Variants in CAMK1D observed in about 807,000 individuals in gnomAD.
The protein encoded by CAMK1D is calcium/calmodulin dependent protein kinase ID.
CAMK1D carries 9 observed loss-of-function variants against 47.7 expected under a neutral mutation model. The ratio of observed to expected loss-of-function variants is 0.19; its 90% CI spans 0.11 to 0.33. CAMK1D has a LOEUF of 0.33. CAMK1D is among the 10% of genes least tolerant of loss of function. The probability of loss-of-function intolerance (pLI) is 1.00; values close to 1 mark genes in which losing one functional copy is unlikely to be tolerated. For missense variants in CAMK1D, 291 were observed against 488.7 expected, an observed-to-expected ratio of 0.60 and a Z score of 3.81; for synonymous variants, 184 against 184.9, an observed-to-expected ratio of 0.99 and a Z score of 0.04.
intron 1 of CAMK1D, among the ~76,000 whole-genome samples, chr10:12,498,103 C>G (rs959064522): frequency 6.6e-6 from 1 of 152,200 alleles, no homozygotes; most frequent in African/African-American, 2.4e-5. Flanking sequence ...TACCTCCCAT[C>G]GGGTCCCTCC....
intron 2 of CAMK1D, among the ~76,000 whole-genome samples, chr10:12,596,226 C>A (rs1838143640): frequency 1.3e-5 from 2 of 151,996 alleles, no homozygotes; most frequent in South Asian, 2.1e-4. Context: ...TTTCTTTGAG[C>A]ATTAAAGGAT....
At chr10:12,384,293 T>C (rs952250920) in intron 1 of CAMK1D, among the ~76,000 whole-genome samples, 3 of 152,220 alleles carry the variant, frequency 2.0e-5, no homozygotes, top group Admixed American at 6.5e-5. Context: ...AATTAATCTA[T>C]AGATTAAACA....
At chr10:12,586,112 A>G (rs1837809758) in intron 2 of CAMK1D, among the ~76,000 whole-genome samples, 1 of 152,216 alleles carries the variant, frequency 6.6e-6, no homozygotes, top group African/African-American at 2.4e-5. Context: ...CATTTATGGA[A>G]GCCCCACCAT....
Position 12,388,270 on chromosome 10 carries a change from G to A in CAMK1D, c.92+38360G>A, listed in dbSNP as rs190297939. Among the ~76,000 whole-genome samples, 380 of 152,198 alleles carry A rather than the reference G, an allele frequency of 2.5e-3. 2 individuals carry two copies. Among genetic ancestry groups the A allele is most frequent in the African/African-American group, 8.4e-3 (347 of 41,536 alleles). On this transcript the variant is annotated intron_variant, in intron 1 of 10. Transcript: ENST00000619168. ...TCGAACTCCTGACCTCAGGTGATCC[G>A]CTGGCCTTGACCTCCCAAAGTGCTG...
At chr10:12,790,651 T>A (rs28503324) in intron 5 of CAMK1D, among the ~76,000 whole-genome samples, 30 of 151,598 alleles carry the variant, frequency 2.0e-4, no homozygotes, top group African/African-American at 4.1e-4. Flanking sequence ...TCATTTTTTT[T>A]AATTTACATT....
chr10:12,375,845 G>T (rs1372265067), intron 1 of CAMK1D, among the ~76,000 whole-genome samples: 1 of 151,934 alleles, frequency 6.6e-6, no homozygotes, highest in African/African-American at 2.4e-5. Flanking sequence ...TAGGACTTTT[G>T]GTCCGTATGC....
intron 6 of CAMK1D, among the ~76,000 whole-genome samples, chr10:12,799,264 A>G (rs1318032487): frequency 6.7e-6 from 1 of 149,082 alleles, no homozygotes; most frequent in Non-Finnish European, 1.5e-5. Context: ...TCAGAAGTGC[A>G]TTGTTGGGAG....
intron 1 of CAMK1D, among the ~76,000 whole-genome samples, chr10:12,496,399 C>G (rs1427346304): frequency 6.6e-6 from 1 of 152,100 alleles, no homozygotes; most frequent in African/African-American, 2.4e-5. Flanking sequence ...CTGTTTCTGT[C>G]TTGTTGCTCT....
chr10:12,741,895 T>A (rs955842291), intron 3 of CAMK1D, among the ~76,000 whole-genome samples: 1 of 152,136 alleles, frequency 6.6e-6, no homozygotes, highest in Non-Finnish European at 1.5e-5. Flanking sequence ...CCTCTCATTG[T>A]CTGGATGTGA....
intron 2 of CAMK1D, among the ~76,000 whole-genome samples, chr10:12,563,528 C>T (rs531330192): frequency 2.0e-5 from 3 of 152,176 alleles, no homozygotes; most frequent in Non-Finnish European, 4.4e-5. Context: ...ACCAGAAATA[C>T]AGAAATACTG....
At chr10:12,747,459 C>A (rs1835739003) in intron 3 of CAMK1D, among the ~76,000 whole-genome samples, 1 of 152,080 alleles carries the variant, frequency 6.6e-6, no homozygotes, top group Non-Finnish European at 1.5e-5. Context: ...GTGTGCACCA[C>A]CACGCCTGGC....
chr10:12,538,477 A>G (rs938314334), intron 1 of CAMK1D, among the ~76,000 whole-genome samples: 30 of 152,234 alleles, frequency 2.0e-4, no homozygotes, highest in Non-Finnish European at 3.8e-4. Context: ...ATGTTTAAGC[A>G]GACTTTTCAG....
chr10:12,600,009 G>T (rs1838254790), intron 2 of CAMK1D, among the ~76,000 whole-genome samples: 1 of 152,206 alleles, frequency 6.6e-6, no homozygotes, highest in Non-Finnish European at 1.5e-5. Flanking sequence ...GGAGGCTGGG[G>T]CAGGAGGATC....
chr10:12,365,126 T>C (rs115642686), intron 1 of CAMK1D, among the ~76,000 whole-genome samples: 1,969 of 151,818 alleles, frequency 0.013, 45 homozygotes, highest in African/African-American at 0.045. Context: ...CAGGCTAATT[T>C]TGTATGTTCA....
chr10:12,818,611 C>T (rs1310738489), intron 8 of CAMK1D, among the ~76,000 whole-genome samples: 1 of 151,386 alleles, frequency 6.6e-6, no homozygotes, highest in African/African-American at 2.4e-5. Flanking sequence ...GCGGAGCTTG[C>T]AGTGAGCCAA....
rs1256986749 is a variant in CAMK1D at position 12,784,882 on chromosome 10, CA to C, written c.566-6275del. On this transcript the variant is annotated intron_variant, in intron 5 of 10. Coordinates refer to ENST00000619168, the MANE Select transcript of CAMK1D (RefSeq NM_153498.4). The stretch of plus-strand genomic sequence containing the variant: ...ATCACCAAGTGCTGACCAATCAGGA[CA>C]TACGGAGATGAGAGCTCTGCCCTGC... 5.3e-5 allele frequency among the ~76,000 whole-genome samples: 8 copies of C among 152,286 alleles called. No individual in the cohort carries two copies. In the East Asian group the frequency reaches 9.7e-4, roughly 18 times the overall value.
chr10:12,464,462 C>A (rs1219448724), intron 1 of CAMK1D, among the ~76,000 whole-genome samples: 1 of 152,170 alleles, frequency 6.6e-6, no homozygotes, highest in Non-Finnish European at 1.5e-5. Context: ...TACCCTCCCC[C>A]ACCACGTGTA....
intron 1 of CAMK1D, among the ~76,000 whole-genome samples, chr10:12,415,337 G>A (rs1416431476): frequency 6.6e-6 from 1 of 151,766 alleles, no homozygotes. Context: ...TGCCCAGGCT[G>A]GAGTGCAGTA....
intron 3 of CAMK1D, among the ~76,000 whole-genome samples, chr10:12,723,985 C>T (rs1340757889): frequency 6.6e-6 from 1 of 152,146 alleles, no homozygotes; most frequent in African/African-American, 2.4e-5. Context: ...GTTCAATTCC[C>T]ACCTATGAGT....
Sources: allele counts gnomAD v4.1 joint callset (sites outside exome capture counted in the v4.1 genomes callset), GRCh38; gene constraint gnomAD v4.1.1; transcripts MANE v1.5; gene names NCBI Gene and HGNC (gene_info 2026-07-23, HGNC 2026-07-21).